Variants in GNAQ observed in about 807,000 individuals in gnomAD.
GNAQ encodes the protein guanine nucleotide-binding protein G(q) subunit alpha.
GNAQ carries 8 observed loss-of-function variants against 43.9 expected under a neutral mutation model. That is an observed-to-expected ratio of 0.18 (90% CI 0.11 to 0.33). The LOEUF is 0.33. Ranked by LOEUF, GNAQ falls within the 10% of genes least tolerant of loss-of-function variation. The pLI, the probability that GNAQ is intolerant of heterozygous loss-of-function variation, is 1.00. For missense variants in GNAQ, 158 were observed against 450.8 expected (o/e 0.35, Z 5.88); for synonymous variants, 155 against 170.7 (o/e 0.91, Z 0.71).
At chr9:77,811,831 C>A (rs1260089608) in intron 3 of GNAQ, among the ~76,000 whole-genome samples, 1 of 152,164 alleles carries the variant, frequency 6.6e-6, no homozygotes, top group East Asian at 1.9e-4. Context: ...TGGAGGAGAC[C>A]TGAAATGTGG....
At chr9:77,812,343 T>C (rs1826942526) in intron 3 of GNAQ, among the ~76,000 whole-genome samples, 1 of 152,166 alleles carries the variant, frequency 6.6e-6, no homozygotes, top group African/African-American at 2.4e-5. Context: ...CCATGGTAAA[T>C]CTTACCTTCA....
At chr9:77,772,599 G>T (rs1826243478) in intron 5 of GNAQ, among the ~76,000 whole-genome samples, 2 of 152,126 alleles carry the variant, frequency 1.3e-5, no homozygotes, top group African/African-American at 4.8e-5. Context: ...ACTGTTTGAG[G>T]AGAAACAAAA....
At chr9:77,966,945 T>C (rs1338993606) in intron 1 of GNAQ, among the ~76,000 whole-genome samples, 2 of 152,186 alleles carry the variant, frequency 1.3e-5, no homozygotes, top group Non-Finnish European at 2.9e-5. Context: ...CCCAGGTCTT[T>C]CATTGCCCTA....
At chr9:77,749,931 A>G (rs893063907) in intron 5 of GNAQ, among the ~76,000 whole-genome samples, 2 of 152,126 alleles carry the variant, frequency 1.3e-5, no homozygotes, top group African/African-American at 4.8e-5. Flanking sequence ...CATACATTGT[A>G]ATTGTTCATA....
chr9:77,795,241 C>T (rs1276059781), intron 4 of GNAQ, among the ~76,000 whole-genome samples: 2 of 152,142 alleles, frequency 1.3e-5, no homozygotes, highest in Non-Finnish European at 2.9e-5. Flanking sequence ...CTACAAGGTA[C>T]AAGACGGAGG....
chr9:77,796,937 T>C (rs1826668004), intron 4 of GNAQ, among the ~76,000 whole-genome samples: 1 of 152,240 alleles, frequency 6.6e-6, no homozygotes, highest in South Asian at 2.1e-4. Flanking sequence ...AATGGTTTAC[T>C]AACCGATTTT....
intron 2 of GNAQ, among the ~76,000 whole-genome samples, chr9:77,831,753 T>A (rs1827301081): frequency 6.6e-6 from 1 of 152,234 alleles, no homozygotes; most frequent in Non-Finnish European, 1.5e-5. Flanking sequence ...TCTTATCTGA[T>A]CACAGAAATA....
intron 2 of GNAQ, among the ~76,000 whole-genome samples, chr9:77,896,388 T>C (rs1187566577): frequency 6.6e-6 from 1 of 152,216 alleles, no homozygotes; most frequent in African/African-American, 2.4e-5. Context: ...TACCATACTA[T>C]ACTATTTGCT....
chr9:77,815,055 T>G (rs951471420), intron 3 of GNAQ, among the ~76,000 whole-genome samples: 1 of 152,200 alleles, frequency 6.6e-6, no homozygotes, highest in African/African-American at 2.4e-5. Context: ...CTGGAATGTA[T>G]GCAAAATTAG....
At position 77,987,239 on chromosome 9, in the gene GNAQ, A is replaced by G. The variant is rs181110549; in HGVS notation, c.136+43861T>C. 1.2e-3 allele frequency among the ~76,000 whole-genome samples: 183 copies of G among 152,220 alleles called. 2 individuals carry two copies. The highest frequency in any genetic ancestry group is 3.4e-3 in the Middle Eastern group (1 of 294). Reference sequence around the variant, plus strand: ...CACCATGCAGACTATAAAAGTGTCAATATTATCTTGAGTATCTCTTTGGGT... The same window carrying G: ...CACCATGCAGACTATAAAAGTGTCAGTATTATCTTGAGTATCTCTTTGGGT... On this transcript the variant is annotated intron_variant, in intron 1 of 6. Coordinates refer to ENST00000286548, the MANE Select transcript of GNAQ (RefSeq NM_002072.5).
intron 5 of GNAQ, among the ~76,000 whole-genome samples, chr9:77,757,645 T>C (rs1219318758): frequency 2.6e-5 from 4 of 152,208 alleles, no homozygotes; most frequent in African/African-American, 9.6e-5. Context: ...CCATCAGCTA[T>C]CACGATAGTG....
At chr9:77,727,795 T>C (rs1033840594) in intron 6 of GNAQ, among the ~76,000 whole-genome samples, 3 of 152,134 alleles carry the variant, frequency 2.0e-5, no homozygotes, top group African/African-American at 7.2e-5. Flanking sequence ...GTGTCAGAAC[T>C]GGGATCTCAA....
intron 2 of GNAQ, among the ~76,000 whole-genome samples, chr9:77,846,535 A>G (rs1163757498): frequency 6.6e-6 from 1 of 152,124 alleles, no homozygotes; most frequent in Non-Finnish European, 1.5e-5. Flanking sequence ...GGCCAAGAAG[A>G]CCTCTTCAAA....
intron 5 of GNAQ, among the ~76,000 whole-genome samples, chr9:77,770,904 T>C (rs1158563012): frequency 1.3e-5 from 2 of 152,110 alleles, no homozygotes; most frequent in African/African-American, 4.8e-5. Flanking sequence ...TTTCAGATCA[T>C]GAAAAATAAA....
At chr9:77,936,616 A>T (rs1376947774) in intron 1 of GNAQ, among the ~76,000 whole-genome samples, 7 of 152,308 alleles carry the variant, frequency 4.6e-5, no homozygotes, top group Non-Finnish European at 1.0e-4. Flanking sequence ...TAAATGCAAA[A>T]TACTTTAACA....
chr9:77,852,671 G>C (rs537091798), intron 2 of GNAQ, among the ~76,000 whole-genome samples: 11 of 152,332 alleles, frequency 7.2e-5, no homozygotes, highest in Admixed American at 7.2e-4. Flanking sequence ...TGATCGCTCA[G>C]TGCTCTTTCT....
chr9:77,953,966 A>C (rs1823012524), intron 1 of GNAQ, among the ~76,000 whole-genome samples: 1 of 152,240 alleles, frequency 6.6e-6, no homozygotes, highest in Admixed American at 6.5e-5. Flanking sequence ...CTATCAAATT[A>C]AAAAATCAAG....
rs1454322500 is a variant in GNAQ at position 77,778,012 on chromosome 9, T to G, written c.735+16451A>C. 2.0e-5 allele frequency among the ~76,000 whole-genome samples: 3 copies of G among 152,022 alleles called. No individual in the cohort carries two copies. In the South Asian group the frequency reaches 6.2e-4, roughly 31 times the overall value. ...AACCATTTGAATAATTTGAATTGTA[T>G]GTTCACAGAAAAAATTGTACATGAA... On this transcript the variant is annotated intron_variant, in intron 5 of 6. Transcript: ENST00000286548.
chr9:78,031,489 G>C lies in GNAQ; in HGVS notation c.-254C>G, dbSNP rs756214983. ...AGAGAGGCGGGCGCGGGAGGCGGGCGCTGGCTCGGGGGGCGCGTGAGAGAA... is the reference window on the plus strand; with the variant it reads ...AGAGAGGCGGGCGCGGGAGGCGGGCCCTGGCTCGGGGGGCGCGTGAGAGAA... On this transcript the variant is annotated 5_prime_UTR_variant, in exon 1 of 7. Transcript: ENST00000286548. 2.5e-3 allele frequency: 432 copies of C among 172,250 alleles called. 1 individual carries two copies. The highest frequency in any genetic ancestry group is 4.6e-3 in the Admixed American group (74 of 15,938). The allele number at this position is 172,250 out of a possible 1,614,324, so 10.7% of individuals were successfully genotyped here. A position where few individuals can be genotyped will look rare whatever the true frequency, so the allele number is the denominator to read the frequency against.
Sources: allele counts gnomAD v4.1 joint callset (sites outside exome capture counted in the v4.1 genomes callset), GRCh38; gene constraint gnomAD v4.1.1; transcripts MANE v1.5; gene names NCBI Gene and HGNC (gene_info 2026-07-23, HGNC 2026-07-21).